The following THBS4 variants were observed in gnomAD, a reference collection of about 807,000 sequenced individuals.
THBS4 encodes the protein thrombospondin 4.
A neutral mutation model predicts 115.7 loss-of-function variants in THBS4; 90 were observed. The ratio of observed to expected loss-of-function variants is 0.78; its 90% confidence interval spans 0.66 to 0.93. THBS4 has a LOEUF of 0.93. Among genes scored for constraint, THBS4 ranks in the 40% least tolerant of loss-of-function variants. The pLI is 0.00. For missense variants in THBS4, 1,087 were observed against 1,232.7 expected (o/e 0.88, Z 1.77); for synonymous variants, 460 against 479.3 (o/e 0.96, Z 0.53).
chr5:80,055,953 A>ACAATCTCCC lies in THBS4; in HGVS notation c.464_472dup (p.Asn155_Pro157dup). On this transcript the variant is annotated inframe_insertion, in exon 3 of 22. Coordinates refer to ENST00000350881, the MANE Select transcript of THBS4 (RefSeq NM_003248.6). ...GACTGCATCCAGGTGGATTCCGTTCACAATCTCCCCAGGGCCTTTGCTGGC... is the reference window on the plus strand; with the variant it reads ...GACTGCATCCAGGTGGATTCCGTTCACAATCTCCCCAATCTCCCCAGGGCCTTTGCTGGC... The ACAATCTCCC allele has an allele frequency of 6.2e-7, 1 of 1,614,210 alleles. No individual in the cohort carries two copies. The highest frequency in any genetic ancestry group is 8.5e-7 in the Non-Finnish European group (1 of 1,180,030).
chr5:80,008,450 T>C (rs1832059441), intron 2 of THBS4, among the ~76,000 whole-genome samples: 1 of 152,204 alleles, frequency 6.6e-6, no homozygotes, highest in African/African-American at 2.4e-5. Flanking sequence ...AGTCTCACTC[T>C]GTCGCCCAGG....
At chr5:80,055,659 G>A (rs774740346) in intron 2 of THBS4, 126 bp from the exon 3 acceptor site, 53 of 1,339,654 alleles carry the variant, frequency 4.0e-5, no homozygotes, top group East Asian at 7.0e-5. Flanking sequence ...CTCACATTCC[G>A]TCCAGCAACC....
chr5:79,994,712 G>A (rs370631690), intron 1 of THBS4, among the ~76,000 whole-genome samples: 20 of 152,154 alleles, frequency 1.3e-4, no homozygotes, highest in East Asian at 1.9e-4. Flanking sequence ...AGGCTGAGGC[G>A]GGAGGATGGC....
At chr5:80,051,623 G>A (rs1020035366) in intron 2 of THBS4, among the ~76,000 whole-genome samples, 5 of 152,182 alleles carry the variant, frequency 3.3e-5, no homozygotes, top group South Asian at 4.1e-4. Flanking sequence ...CCACTTAAAT[G>A]AGAGTATGAA....
chr5:80,080,242 G>C, intron 20 of THBS4, 165 bp downstream of exon 20: 1 of 839,552 alleles, frequency 1.2e-6, no homozygotes, highest in Non-Finnish European at 1.8e-6. Context: ...AGAGGTGGGA[G>C]AGAAGATATT....
At chr5:79,991,775 C>T (rs988819486) in intron 1 of THBS4, among the ~76,000 whole-genome samples, 3 of 152,234 alleles carry the variant, frequency 2.0e-5, no homozygotes, top group African/African-American at 7.2e-5. Flanking sequence ...AGTGCTGGTC[C>T]TTCAATCTGG....
intron 12 of THBS4, 63 bp downstream of exon 12, chr5:80,070,813 G>C (rs1243296738): frequency 1.9e-6 from 3 of 1,588,582 alleles, no homozygotes; most frequent in Non-Finnish European, 2.6e-6. Context: ...GAGAAAGCCT[G>C]TGATGTCAAC....
In THBS4 at chr5:80,058,629, T is replaced by C; in HGVS notation, c.650-79T>C. 5 of 1,224,038 alleles carry C rather than the reference T, an allele frequency of 4.1e-6. No homozygotes were observed. In the South Asian group the frequency reaches 6.1e-5, roughly 15 times the overall value. 75.8% of individuals were successfully genotyped at this position (1,224,038 alleles called of 1,614,324 possible). ...GAATCATCTTGTCAGGATGATTTCC[T>C]GGGGAATAATTTGGTTTTGAGTCAC... On this transcript the variant is annotated intron_variant, in intron 4 of 21. Transcript: ENST00000350881.
chr5:80,001,456 T>TA (rs898303126), intron 2 of THBS4, among the ~76,000 whole-genome samples: 1 of 152,252 alleles, frequency 6.6e-6, no homozygotes, highest in African/African-American at 2.4e-5. Flanking sequence ...TAGCTCTTGT[T>TA]ACTGAATGGC....
intron 1 of THBS4, among the ~76,000 whole-genome samples, chr5:79,995,013 T>C (rs1190617428): frequency 6.6e-6 from 1 of 152,138 alleles, no homozygotes; most frequent in Non-Finnish European, 1.5e-5. Context: ...GGCTGTGCTA[T>C]ATAAGTGAAG....
chr5:80,010,353 C>T (rs1832099694), intron 2 of THBS4, among the ~76,000 whole-genome samples: 1 of 152,182 alleles, frequency 6.6e-6, no homozygotes, highest in African/African-American at 2.4e-5. Context: ...ATTCTCTCAC[C>T]TACCAGGGTA....
intron 2 of THBS4, among the ~76,000 whole-genome samples, chr5:80,054,754 T>A (rs1003500926): frequency 6.6e-6 from 1 of 152,130 alleles, no homozygotes; most frequent in Non-Finnish European, 1.5e-5. Context: ...CATAAGCCTC[T>A]GTGCCCAGCC....
upstream of THBS4, among the ~76,000 whole-genome samples, chr5:80,032,190 A>G (rs1381981115): frequency 6.6e-6 from 1 of 152,216 alleles, no homozygotes; most frequent in Admixed American, 6.5e-5. Context: ...TAATTAAATT[A>G]ATTTTATTAT....
At chr5:79,997,423 C>T (rs1403476841) in intron 1 of THBS4, among the ~76,000 whole-genome samples, 1 of 151,932 alleles carries the variant, frequency 6.6e-6, no homozygotes, top group Non-Finnish European at 1.5e-5. Flanking sequence ...AAGGACATTA[C>T]ATAATGATAA....
At chr5:80,036,662 T>A (rs1219926667) in intron 1 of THBS4, among the ~76,000 whole-genome samples, 1 of 152,198 alleles carries the variant, frequency 6.6e-6, no homozygotes, top group East Asian at 1.9e-4. Flanking sequence ...ACAGAATTTT[T>A]TGTAAAGACC....
At chr5:79,992,111 A>T (rs1384795807) in intron 1 of THBS4, among the ~76,000 whole-genome samples, 2 of 152,184 alleles carry the variant, frequency 1.3e-5, no homozygotes, top group Non-Finnish European at 2.9e-5. Context: ...CAAATCATGT[A>T]GCTCGTCATG....
At chr5:80,036,159 T>A in intron 1 of THBS4, 1 of 985,502 alleles carries the variant, frequency 1.0e-6, no homozygotes, top group Non-Finnish European at 1.2e-6. Flanking sequence ...AGGATTGGCT[T>A]GATGTCTTAA....
At position 80,077,065 on chromosome 5, in the gene THBS4, C is replaced by A. The variant is rs1743255075; in HGVS notation, c.2086+17C>A. 6.4e-7 allele frequency: 1 copy of A among 1,566,022 alleles called. No homozygotes were observed. The stretch of plus-strand genomic sequence containing the variant: ...ATAGCAACAGTAAGCAGGCTCAGCC[C>A]AGAGCTGCACAGCACCCCTGGGCTC... On this transcript the variant is annotated intron_variant, in intron 16 of 21. Coordinates refer to ENST00000350881, the MANE Select transcript of THBS4 (RefSeq NM_003248.6).
chr5:80,079,097 A>C lies in THBS4; in HGVS notation c.2350A>C (p.Thr784Pro), dbSNP rs764216922. ...TAFNGVDFEGTFHVNTQTDDD... is the reference protein window; with the variant it reads ...TAFNGVDFEGPFHVNTQTDDD... ...TTTTAATGGAGTTGACTTCGAAGGGACCTTCCATGTGAATACCCAGACAGA... is the reference window on the plus strand; with the variant it reads ...TTTTAATGGAGTTGACTTCGAAGGGCCCTTCCATGTGAATACCCAGACAGA... Residue 784 changes from threonine (T) to proline (P), a missense_variant, in exon 19 of 22, where the codon ACC becomes CCC. Physicochemically the swap from Thr to Pro is conservative, Grantham distance 38 (BLOSUM62 -1). Transcript: ENST00000350881. 1 of 1,613,680 alleles carries C rather than the reference A, an allele frequency of 6.2e-7. No homozygotes were observed.
Sources: gnomAD v4.1 joint callset for allele counts (sites outside exome capture counted in the v4.1 genomes callset) on GRCh38, gnomAD v4.1.1 for gene constraint, MANE v1.5 for transcripts, NCBI Gene and HGNC (gene_info 2026-07-23, HGNC 2026-07-21) for gene names.